NCF4: variants seen among roughly 807,000 people sequenced by gnomAD.
NCF4 encodes neutrophil cytosol factor 4.
In NCF4, 30 loss-of-function variants were observed where a neutral mutation model predicts 41.7. The observed-to-expected ratio is 0.72, with a 90% CI of 0.54 to 0.97. The LOEUF is 0.97. Among genes scored for constraint, NCF4 ranks in the 50% least tolerant of loss-of-function variants. The pLI is 0.00. For missense variants in NCF4, 432 were observed against 460.9 expected (o/e 0.94, Z 0.57); for synonymous variants, 195 against 175.8 (o/e 1.11, Z -0.87).
chr22:36,873,839 T>C (rs1940135422), intron 7 of NCF4, among the ~76,000 whole-genome samples: 1 of 133,042 alleles, frequency 7.5e-6, no homozygotes, highest in Non-Finnish European at 1.6e-5. Flanking sequence ...CTCCAGATAT[T>C]TGCTCCTGAG....
At position 36,867,482 on chromosome 22, in the gene NCF4, C is replaced by T. The variant is rs1407928305; in HGVS notation, c.342+20C>T. On this transcript the variant is annotated intron_variant, in intron 4 of 9. Coordinates refer to ENST00000248899, the MANE Select transcript of NCF4 (RefSeq NM_000631.5). ...ATGAAGGTACCAGTGGGCCTTGCCA[C>T]CTTGGCACGTGGAAGGGCATGCAGT... The T allele has an allele frequency of 1.9e-6, 3 of 1,613,520 alleles. No homozygotes were observed. The highest frequency in any genetic ancestry group is 2.7e-5 in the African/African-American group (2 of 74,928).
At chr22:36,867,757 C>T (rs1484419148) in intron 4 of NCF4, among the ~76,000 whole-genome samples, 1 of 152,228 alleles carries the variant, frequency 6.6e-6, no homozygotes, top group Non-Finnish European at 1.5e-5. Context: ...AGTTAAAATA[C>T]AAAGGTGAAT....
chr22:36,877,735 G>C lies in NCF4; in HGVS notation c.932G>C (p.Arg311Pro), dbSNP rs751005224. Residue 311 changes from arginine (R) to proline (P), a missense_variant, in exon 10 of 10, where the codon CGT becomes CCT. Coordinates refer to ENST00000248899, the MANE Select transcript of NCF4 (RefSeq NM_000631.5). ...GTAGCGCTCATGGTGCGGCAGGCTC[G>C]TGGCCTCCCCTCCCAGAAGCGCCTC... ...EDVALMVRQA[R>P]GLPSQKRLFP... The C allele has an allele frequency of 6.2e-7, 1 of 1,614,056 alleles. No individual in the cohort carries two copies. The highest frequency in any genetic ancestry group is 8.5e-7 in the Non-Finnish European group (1 of 1,180,018).
Position 36,861,128 on chromosome 22 carries a change from G to A in NCF4, c.-44G>A. The A allele has an allele frequency of 6.4e-7, 1 of 1,551,024 alleles. No homozygotes were observed. Among genetic ancestry groups the A allele is most frequent in the Non-Finnish European group, 8.7e-7 (1 of 1,146,566 alleles). ...GAGAGGTGAACTCAGCCTGGGACTG[G>A]CTGGGCGAGACTCTCCACCTGCTCC... On this transcript the variant is annotated 5_prime_UTR_variant, in exon 1 of 10. Transcript: ENST00000248899.
At position 36,861,204 on chromosome 22, in the gene NCF4, G is replaced by T. The variant is rs1407731914; in HGVS notation, c.32+1G>T. 3 of 1,551,514 alleles carry T rather than the reference G, an allele frequency of 1.9e-6. No homozygotes were observed. The highest frequency in any genetic ancestry group is 2.6e-6 in the Non-Finnish European group (3 of 1,146,842). ...TGGCCCAGCAGCTGCGGGCCGAGAG[G>T]TGAGTGCCGGGGTGTGGCCGCCCCC... On this transcript the variant is annotated splice_donor_variant, in intron 1 of 9. Coordinates refer to ENST00000248899, the MANE Select transcript of NCF4 (RefSeq NM_000631.5). LOFTEE classifies it high-confidence loss of function.
chr22:36,869,491 C>T (rs774008965), intron 4 of NCF4, among the ~76,000 whole-genome samples: 15 of 152,140 alleles, frequency 9.9e-5, no homozygotes, highest in Non-Finnish European at 1.9e-4. Flanking sequence ...CAGCCTTTTC[C>T]GGGCTCTGCA....
Position 36,863,956 on chromosome 22 carries a change from AG to A in NCF4, c.33-88del, listed in dbSNP as rs1488310987. The A allele has an allele frequency of 9.9e-6, 12 of 1,213,396 alleles. No homozygotes were observed. The East Asian group carries it at 2.6e-4, about 26-fold the overall frequency. The allele number at this position is 1,213,396 out of a possible 1,614,324, so 75.2% of individuals were successfully genotyped here. On this transcript the variant is annotated intron_variant, in intron 1 of 9. Coordinates refer to ENST00000248899, the MANE Select transcript of NCF4 (RefSeq NM_000631.5). Reference sequence around the variant, plus strand: ...AGACGAATGTTGGCTTCACAACATTAGTTTGCTTTGCACTCTACCTCATACC... The same window carrying A: ...AGACGAATGTTGGCTTCACAACATTATTTGCTTTGCACTCTACCTCATACC...
At chr22:36,864,341 G>A (rs1464885279) in intron 2 of NCF4, among the ~76,000 whole-genome samples, 2 of 152,098 alleles carry the variant, frequency 1.3e-5, no homozygotes, top group Non-Finnish European at 2.9e-5. Flanking sequence ...ACATCTAGTG[G>A]GTAGAATCCA....
chr22:36,877,610 C>T lies in NCF4; in HGVS notation c.825-18C>T, dbSNP rs1940220857. On this transcript the variant is annotated intron_variant, in intron 9 of 9. Transcript: ENST00000248899. ...TTACGCTTAGGCCCTTTGATTATCC[C>T]TGACTTTTCCCATGCAGGCGGGAGT... is the stretch of plus-strand genomic sequence containing the variant. The T allele has an allele frequency of 1.2e-6, 2 of 1,613,958 alleles. No homozygotes were observed. Among genetic ancestry groups the T allele is most frequent in the African/African-American group, 2.7e-5 (2 of 74,910 alleles).
chr22:36,870,361 T>A, intron 4 of NCF4, 54 bp from the exon 5 acceptor site: 1 of 1,611,434 alleles, frequency 6.2e-7, no homozygotes, highest in Non-Finnish European at 8.5e-7. Flanking sequence ...TAGGCTGGGG[T>A]GTCCAGATCT....
chr22:36,870,370 C>A (rs765969872), intron 4 of NCF4, 45 bp from the exon 5 acceptor site: 2 of 1,612,610 alleles, frequency 1.2e-6, no homozygotes, highest in East Asian at 4.5e-5. Flanking sequence ...GTGTCCAGAT[C>A]TTTCTGCTGA....
chr22:36,864,860 C>T lies in NCF4; in HGVS notation c.118-59C>T, dbSNP rs192708122. Reference sequence around the variant, plus strand: ...CTCCTCCTCCCCTTTTCCCTTCCACCTCTTTTTGGCTTGTGCTCCTGGCCC... The same window carrying T: ...CTCCTCCTCCCCTTTTCCCTTCCACTTCTTTTTGGCTTGTGCTCCTGGCCC... On this transcript the variant is annotated intron_variant, in intron 2 of 9. Transcript: ENST00000248899. The T allele has an allele frequency of 5.1e-5, 82 of 1,607,506 alleles. 1 individual carries two copies. The Admixed American group carries it at 1.2e-3, about 23-fold the overall frequency.
At chr22:36,877,599 T>C in intron 9 of NCF4, 29 bp from the exon 10 acceptor site, 6 of 1,613,442 alleles carry the variant, frequency 3.7e-6, no homozygotes, top group Non-Finnish European at 5.1e-6. Context: ...GCTTAGGCCC[T>C]TTGATTATCC....
chr22:36,875,828 C>A, intron 8 of NCF4, 45 bp downstream of exon 8: 8 of 1,614,066 alleles, frequency 5.0e-6, no homozygotes, highest in Non-Finnish European at 6.8e-6. Flanking sequence ...TTCCTGCCAT[C>A]CCTACGACCA....
chr22:36,877,658 G>C lies in NCF4; in HGVS notation c.855G>C (p.Leu285=), dbSNP rs1472968910. Residue 285 remains leucine, a synonymous_variant, in exon 10 of 10, where the codon CTG becomes CTC. Transcript: ENST00000248899. ...RREFQREDIA[L]NYRDAEGDLV... ...AGTTCCAGAGAGAGGACATAGCTCTGAATTACCGGGACGCTGAGGGGGATC... is the reference window on the plus strand; with the variant it reads ...AGTTCCAGAGAGAGGACATAGCTCTCAATTACCGGGACGCTGAGGGGGATC... The C allele has an allele frequency of 6.2e-7, 1 of 1,614,166 alleles. No individual in the cohort carries two copies. The highest frequency in any genetic ancestry group is 1.7e-5 in the Admixed American group (1 of 60,020).
rs138411102 is a variant in NCF4 at position 36,872,402 on chromosome 22, C to A, written c.604C>A (p.Arg202=). 3 of 1,612,102 alleles carry A rather than the reference C, an allele frequency of 1.9e-6. No homozygotes were observed. The highest frequency in any genetic ancestry group is 2.5e-6 in the Non-Finnish European group (3 of 1,178,332). The change falls in exon 7 of 10, where the codon CGG becomes AGG. Residue 202 remains arginine (R), a synonymous_variant. Coordinates refer to ENST00000248899, the MANE Select transcript of NCF4 (RefSeq NM_000631.5). The part of the protein sequence containing the change: ...KAGDVIFLLS[R]INKDWLEGTV... ...TGGAGATGTGATCTTCCTCCTCAGTCGGATCAACAAAGACTGGCTGGAGGT... is the reference window on the plus strand; with the variant it reads ...TGGAGATGTGATCTTCCTCCTCAGTAGGATCAACAAAGACTGGCTGGAGGT...
chr22:36,867,158 G>A (rs1939947702), intron 3 of NCF4, among the ~76,000 whole-genome samples: 1 of 143,278 alleles, frequency 7.0e-6, no homozygotes, highest in Admixed American at 7.2e-5. Flanking sequence ...TGGATGAACA[G>A]GCAGTAAATA....
intron 1 of NCF4, among the ~76,000 whole-genome samples, chr22:36,862,991 T>C (rs1939814253): frequency 6.6e-6 from 1 of 152,164 alleles, no homozygotes; most frequent in Non-Finnish European, 1.5e-5. Flanking sequence ...GAGTGTGTCT[T>C]GAGCCAGAAC....
At chr22:36,876,411 C>A (rs968655722) in intron 9 of NCF4, among the ~76,000 whole-genome samples, 2 of 152,302 alleles carry the variant, frequency 1.3e-5, no homozygotes, top group Middle Eastern at 3.4e-3. Flanking sequence ...ACTACCCCCC[C>A]AGGTCCAGGA....
Sources: allele counts gnomAD v4.1 joint callset (sites outside exome capture counted in the v4.1 genomes callset), GRCh38; gene constraint gnomAD v4.1.1; transcripts MANE v1.5; gene names NCBI Gene and HGNC (gene_info 2026-07-23, HGNC 2026-07-21).